The following HOXA3 variants were observed in gnomAD, a reference collection of about 807,000 sequenced individuals.
HOXA3 encodes the protein homeobox A3.
Under a neutral mutation model 30.3 loss-of-function variants are expected in HOXA3, and 8 were observed. That is an observed-to-expected ratio of 0.26 (90% CI 0.15 to 0.48). HOXA3 has a LOEUF of 0.48. HOXA3 is among the 20% of genes least tolerant of loss of function. The pLI is 0.99. For synonymous variants in HOXA3, 323 were observed against 273.1 expected (o/e 1.18, Z -1.80); for missense variants, 653 against 614.4 (o/e 1.06, Z -0.66).
intron 1 of HOXA3, among the ~76,000 whole-genome samples, chr7:27,149,193 G>T (rs1003190615): frequency 1.8e-4 from 27 of 152,226 alleles, no homozygotes; most frequent in Middle Eastern, 3.2e-3. Context: ...ATCTCGTTTT[G>T]TAAAATGTGA....
rs574377091 is a variant in HOXA3 at position 27,107,102 on chromosome 7, G to T, written c.*813C>A. ...TCAAAACAAATCTAGTATTTTTCGC[G>T]TTTACAGATTTTTTTTTTCAGTTTT... On this transcript the variant is annotated 3_prime_UTR_variant, in exon 6 of 6. Transcript: ENST00000612286. 3 of 152,494 alleles carry T rather than the reference G, an allele frequency of 2.0e-5. No homozygotes were observed. The highest frequency in any genetic ancestry group is 2.9e-5 in the Non-Finnish European group (2 of 67,998). The allele number at this position is 152,494 out of a possible 1,614,324, so 9.4% of individuals were successfully genotyped here.
intron 4 of HOXA3, among the ~76,000 whole-genome samples, chr7:27,117,205 G>T (rs1295877940): frequency 6.6e-6 from 1 of 152,164 alleles, no homozygotes; most frequent in Non-Finnish European, 1.5e-5. Flanking sequence ...TGTTTTGGAG[G>T]CTCTGAAGCT....
At chr7:27,138,997 T>G (rs1583402746) in intron 2 of HOXA3, among the ~76,000 whole-genome samples, 2 of 152,276 alleles carry the variant, frequency 1.3e-5, no homozygotes, top group East Asian at 3.9e-4. Context: ...AATTCGCCTG[T>G]ATGTTGAGGG....
intron 1 of HOXA3, chr7:27,147,128 A>G: frequency 1.5e-6 from 1 of 660,852 alleles, no homozygotes; most frequent in South Asian, 2.0e-5. Flanking sequence ...TTCCTCTGCC[A>G]TGGCCTGATA....
intron 4 of HOXA3, among the ~76,000 whole-genome samples, chr7:27,116,957 C>A (rs768792449): frequency 4.0e-5 from 6 of 151,756 alleles, no homozygotes; most frequent in Non-Finnish European, 8.8e-5. Context: ...TTTTTTTTCA[C>A]GTACAGAAAG....
At chr7:27,141,566 A>C (rs1782570498) in intron 1 of HOXA3, 1 of 325,972 alleles carries the variant, frequency 3.1e-6, no homozygotes, top group Non-Finnish European at 5.6e-6. Flanking sequence ...AGTTACTTCA[A>C]GTAACACAGC....
intron 1 of HOXA3, among the ~76,000 whole-genome samples, chr7:27,148,260 C>A (rs1782853700): frequency 6.6e-6 from 1 of 152,284 alleles, no homozygotes; most frequent in South Asian, 2.1e-4. Context: ...TTGCTCCCTG[C>A]CGGCCTGCAC....
Position 27,110,228 on chromosome 7 carries a change from G to A in HOXA3, c.413C>T (p.Ala138Val), listed in dbSNP as rs748105640. ...GAGCAGGGGGCTCTTGGCCGCGTTG[G>A]CAGGGGTAGGGTTGTTGCTGGCATT... ...PQNASNNPTP[A>V]NAAKSPLLNS... is the part of the protein sequence containing the mutation. Residue 138 changes from alanine to valine, a missense_variant, in exon 5 of 6, where the codon GCC becomes GTC. Transcript: ENST00000612286. The A allele has an allele frequency of 6.2e-7, 1 of 1,614,086 alleles. No homozygotes were observed. Among genetic ancestry groups the A allele is most frequent in the African/African-American group, 1.3e-5 (1 of 75,038 alleles).
intron 4 of HOXA3, among the ~76,000 whole-genome samples, chr7:27,114,724 C>A (rs1478079084): frequency 9.7e-6 from 1 of 103,614 alleles, no homozygotes; most frequent in Non-Finnish European, 2.0e-5. Flanking sequence ...AAGCTCTGAC[C>A]CCAAGAGAAA....
At chr7:27,127,546 A>C (rs1159475970) in intron 2 of HOXA3, among the ~76,000 whole-genome samples, 1 of 152,212 alleles carries the variant, frequency 6.6e-6, no homozygotes, top group African/African-American at 2.4e-5. Flanking sequence ...AAATTACTAC[A>C]TTACTTAAAA....
At chr7:27,127,129 T>C (rs1365573047) in intron 2 of HOXA3, 59 bp from the exon 3 acceptor site, 2 of 152,188 alleles carry the variant, frequency 1.3e-5, no homozygotes, top group Non-Finnish European at 2.9e-5. Context: ...CTGGGAAAAT[T>C]GCTATTTTCA....
rs889405848 is a variant in HOXA3, at chr7:27,129,857, T to A, written c.-389-2787A>T. 2.2e-5 allele frequency: 13 copies of A among 604,530 alleles called. No individual in the cohort carries two copies. In the Admixed American group the frequency reaches 3.6e-4, roughly 17 times the overall value. 37.4% of individuals were successfully genotyped at this position (604,530 alleles called of 1,614,324 possible). On this transcript the variant is annotated intron_variant, in intron 2 of 5. Coordinates refer to ENST00000612286, the MANE Select transcript of HOXA3 (RefSeq NM_153631.3). ...AAGCCTCTGCCAGGGCAATTAAATT[T>A]ATGGGGGCTATAATTACTGCCCTAA...
At chr7:27,147,039 T>C in intron 1 of HOXA3, 1 of 530,122 alleles carries the variant, frequency 1.9e-6, no homozygotes, top group Admixed American at 3.4e-5. Flanking sequence ...AGGCTGTCCC[T>C]GTCACAGGTC....
Position 27,144,730 on chromosome 7 carries a change from A to G in HOXA3, c.-493-4544T>C, listed in dbSNP as rs1782691476. 2.0e-5 allele frequency among the ~76,000 whole-genome samples: 3 copies of G among 152,326 alleles called. No individual in the cohort carries two copies. The South Asian group carries it at 6.2e-4, about 32-fold the overall frequency. ...GAAGCATTCCTTGGCAGTGCCTAGT[A>G]TCTCTGTAGTTATTTTCCACGGCTC... On this transcript the variant is annotated intron_variant, in intron 1 of 5. Transcript: ENST00000612286.
At chr7:27,130,435 T>C (rs1785488024) in intron 2 of HOXA3, 4 of 1,200,986 alleles carry the variant, frequency 3.3e-6, no homozygotes, top group Non-Finnish European at 3.1e-6. Flanking sequence ...GCCATAGGGG[T>C]AGGCGGTGTC....
chr7:27,142,209 C>T, intron 1 of HOXA3: 1 of 966,768 alleles, frequency 1.0e-6, no homozygotes, highest in Non-Finnish European at 1.5e-6. Flanking sequence ...CCTACCAGCC[C>T]GCACACCCCT....
intron 3 of HOXA3, among the ~76,000 whole-genome samples, chr7:27,125,413 G>A (rs1196577464): frequency 6.6e-6 from 1 of 152,244 alleles, no homozygotes; most frequent in Non-Finnish European, 1.5e-5. Flanking sequence ...GGGTTGCCCC[G>A]TGATTTTGGA....
Position 27,108,640 on chromosome 7 carries a change from G to C in HOXA3, c.607C>G (p.Leu203Val). 1 of 1,614,114 alleles carries C rather than the reference G, an allele frequency of 6.2e-7. No homozygotes were observed. Among genetic ancestry groups the C allele is most frequent in the Non-Finnish European group, 8.5e-7 (1 of 1,179,982 alleles). Residue 203 changes from leucine (L) to valine (V), a missense_variant, in exon 6 of 6, where the codon CTG (leucine) becomes GTG (valine). Physicochemically the swap from Leu to Val is conservative, Grantham distance 32. Around this residue, in one of 3 missense-constraint regions of HOXA3, gnomAD observed 320 missense variants for 321.9 expected, o/e 0.99. Coordinates refer to ENST00000612286, the MANE Select transcript of HOXA3 (RefSeq NM_153631.3). The surrounding 1 kb of genome is among the most constrained non-coding windows in gnomAD (Gnocchi z 5.0). ...RARTAYTSAQ[L>V]VELEKEFHFN... ...TGGAACTCTTTCTCCAGCTCCACCAGCTGCGCGCTCGTGTAGGCCGTGCGC... is the reference window on the plus strand; with the variant it reads ...TGGAACTCTTTCTCCAGCTCCACCACCTGCGCGCTCGTGTAGGCCGTGCGC...
At chr7:27,139,248 A>G (rs984836727) in intron 2 of HOXA3, among the ~76,000 whole-genome samples, 4 of 152,250 alleles carry the variant, frequency 2.6e-5, no homozygotes, top group African/African-American at 9.6e-5. Flanking sequence ...CAAGCGGCTG[A>G]GAACAGTCCC....
Sources: gnomAD v4.1 joint callset for allele counts (sites outside exome capture counted in the v4.1 genomes callset) on GRCh38, gnomAD v4.1.1 for gene constraint, gnomAD v4.1.1 regional missense constraint, Gnocchi (gnomAD v3.1) non-coding constraint, MANE v1.5 for transcripts, NCBI Gene and HGNC (gene_info 2026-07-23, HGNC 2026-07-21) for gene names.